Variants in ZNF648 observed in about 807,000 individuals in gnomAD.
ZNF648 encodes the protein zinc finger protein 648.
Under a neutral mutation model 0.3 loss-of-function variants are expected in ZNF648, and 1 was observed. The observed-to-expected ratio is 3.90, with a 90% CI of 1.39 to 18.51. ZNF648 has a LOEUF of 18.51. Ranked by LOEUF, ZNF648 falls within the 30% of genes most tolerant of loss-of-function variation. The pLI, the probability that ZNF648 is intolerant of heterozygous loss-of-function variation, is 0.11. For synonymous variants in ZNF648, 376 were observed against 326.8 expected (o/e 1.15, Z -1.62); for missense variants, 874 against 769.7 (o/e 1.14, Z -1.60).
At chr1:182,068,361 A>G in the ZNF648 span, 1 of 152,256 alleles carries the variant, frequency 6.6e-6, no homozygotes, top group Non-Finnish European at 1.5e-5. Context: ...TTCAGACTGC[A>G]GGACACAATC....
intron 1 of ZNF648, among the ~76,000 whole-genome samples, chr1:182,058,958 G>A (rs1665987196): frequency 6.6e-6 from 1 of 152,118 alleles, no homozygotes; most frequent in Non-Finnish European, 1.5e-5. Context: ...GAGTAGCTGG[G>A]ATTACAGGTG....
Position 182,056,139 on chromosome 1 carries a change from C to T in ZNF648, c.*165G>A, listed in dbSNP as rs2101918393. ...TGATGTGAAACCACCCACCTGGGTG[C>T]TCTCTCGGTGGTGACTTTCTGTTCA... On this transcript the variant is annotated 3_prime_UTR_variant, in exon 2 of 2. Transcript: ENST00000339948. The T allele has an allele frequency of 1.1e-6, 1 of 939,162 alleles. No individual in the cohort carries two copies. The allele number at this position is 939,162 out of a possible 1,614,324, so 58.2% of individuals were successfully genotyped here. A position where few individuals can be genotyped will look rare whatever the true frequency, so the allele number is the denominator to read the frequency against.
upstream of ZNF648, chr1:182,062,883 A>G (rs897205867): frequency 1.3e-5 from 2 of 151,956 alleles, no homozygotes; most frequent in Non-Finnish European, 2.9e-5. Flanking sequence ...ACTGGCCCCA[A>G]TATGTGTTGT....
chr1:182,056,011 T>C lies in ZNF648; in HGVS notation c.*293A>G. On this transcript the variant is annotated 3_prime_UTR_variant, in exon 2 of 2. Coordinates refer to ENST00000339948, the MANE Select transcript of ZNF648 (RefSeq NM_001009992.1). ...ATGTAATTCTAGAAGCAGTTTCTGA[T>C]TGATTCAGGTTCCCCAACCCAAGGA... The C allele has an allele frequency of 2.5e-6, 1 of 392,608 alleles. No individual in the cohort carries two copies. Among genetic ancestry groups the C allele is most frequent in the Non-Finnish European group, 4.6e-6 (1 of 218,142 alleles). 24.3% of individuals were successfully genotyped at this position (392,608 alleles called of 1,614,324 possible). A position where few individuals can be genotyped will look rare whatever the true frequency, so the allele number is the denominator to read the frequency against.
In ZNF648 at chr1:182,057,011, G is replaced by GAAC. The variant is rs761687413; in HGVS notation, c.999_1000insGTT (p.Lys333_Pro334insVal). 3.7e-6 allele frequency: 6 copies of GAAC among 1,613,590 alleles called. No individual in the cohort carries two copies. In the African/African-American group the frequency reaches 8.0e-5, roughly 22 times the overall value. On this transcript the variant is annotated inframe_insertion, in exon 2 of 2. Transcript: ENST00000339948. ...TTCCCGCAGTCTGGACACGGGTAGG[G>GAAC]TTTCTCGCCTGTGTGGGTGCGGATG...
chr1:182,056,238 C>G lies in ZNF648; in HGVS notation c.*66G>C. ...TGGGAGGCGAGGCTGACCAGTGAGG[C>G]TGGCAATACCATGTGAGTGGGCCCA... is the stretch of plus-strand genomic sequence containing the variant. On this transcript the variant is annotated 3_prime_UTR_variant, in exon 2 of 2. Coordinates refer to ENST00000339948, the MANE Select transcript of ZNF648 (RefSeq NM_001009992.1). 1 of 1,530,110 alleles carries G rather than the reference C, an allele frequency of 6.5e-7. No individual in the cohort carries two copies. The highest frequency in any genetic ancestry group is 8.8e-7 in the Non-Finnish European group (1 of 1,139,462). 94.8% of individuals were successfully genotyped at this position (1,530,110 alleles called of 1,614,324 possible). A position where few individuals can be genotyped will look rare whatever the true frequency, so the allele number is the denominator to read the frequency against.
chr1:182,069,084 G>T, the ZNF648 span: 1 of 151,980 alleles, frequency 6.6e-6, no homozygotes, highest in Admixed American at 6.6e-5. Flanking sequence ...TTGGGCAGGT[G>T]CTGTCTCTTT....
At chr1:182,058,540 G>T (rs1295984939) in intron 1 of ZNF648, among the ~76,000 whole-genome samples, 1 of 152,160 alleles carries the variant, frequency 6.6e-6, no homozygotes. Context: ...TCCCATGATG[G>T]TGTCAGCTAG....
rs1665901847 is a variant in ZNF648, at chr1:182,056,167, G to T, written c.*137C>A. 15 of 1,113,332 alleles carry T rather than the reference G, an allele frequency of 1.3e-5. No homozygotes were observed. The highest frequency in any genetic ancestry group is 1.8e-5 in the Non-Finnish European group (15 of 829,928). The allele number at this position is 1,113,332 out of a possible 1,614,324, so 69.0% of individuals were successfully genotyped here. A position where few individuals can be genotyped will look rare whatever the true frequency, so the allele number is the denominator to read the frequency against. On this transcript the variant is annotated 3_prime_UTR_variant, in exon 2 of 2. Transcript: ENST00000339948. Reference sequence around the variant, plus strand: ...TCTCGGTGGTGACTTTCTGTTCAAGGGATCAAATAAATAATCAAATGGACC... The same window carrying T: ...TCTCGGTGGTGACTTTCTGTTCAAGTGATCAAATAAATAATCAAATGGACC...
At chr1:182,068,689 G>A in the ZNF648 span, among the ~76,000 whole-genome samples, 1 of 152,144 alleles carries the variant, frequency 6.6e-6, no homozygotes. Context: ...TTGGGAGGCT[G>A]GGGCGGGAGG....
rs139123227 is a variant in ZNF648 at position 182,056,348 on chromosome 1, C to A, written c.1663G>T (p.Gly555Cys). Residue 555 changes from glycine to cysteine, a missense_variant, in exon 2 of 2, where the codon GGC (glycine) becomes TGC (cysteine). Physicochemically the swap from Gly to Cys is radical, Grantham distance 159. Transcript: ENST00000339948. The stretch of plus-strand genomic sequence containing the variant: ...GGGATGGGCTCCTTCTTGCAGGTGC[C>A]GTGCTTGGCTCGGTGTCGTTGGAGG... ...NHLQRHRAKHGTCKKEPIPSS... is the reference protein window; with the variant it reads ...NHLQRHRAKHCTCKKEPIPSS... 1.2e-6 allele frequency: 2 copies of A among 1,613,776 alleles called. No individual in the cohort carries two copies. The highest frequency in any genetic ancestry group is 1.3e-5 in the African/African-American group (1 of 74,894).
upstream of ZNF648, chr1:182,063,266 G>A (rs1366355823): frequency 6.6e-6 from 1 of 152,156 alleles, no homozygotes; most frequent in Non-Finnish European, 1.5e-5. Context: ...CTAAATCTTT[G>A]AGGAATCGCT....
upstream of ZNF648, among the ~76,000 whole-genome samples, chr1:182,066,492 T>G (rs1032632295): frequency 3.3e-5 from 5 of 152,250 alleles, no homozygotes; most frequent in Admixed American, 3.3e-4. Flanking sequence ...ATAGAGGCAG[T>G]TAAGTGGCCA....
In ZNF648 at chr1:182,057,750, A is replaced by G. The variant is rs754680236; in HGVS notation, c.261T>C (p.Ala87=). Residue 87 remains alanine (A), a synonymous_variant, in exon 2 of 2, where the codon GCT becomes GCC. Transcript: ENST00000339948. ...CCACTGGTTTCTGCCCCATGCCCCC[A>G]GCACTGGAGGAGTCAGAGAATTTCT... ...EEEKFSDSSS[A]GGMGQKPVEM... The G allele has an allele frequency of 3.7e-6, 6 of 1,614,064 alleles. No homozygotes were observed. The highest frequency in any genetic ancestry group is 2.7e-5 in the African/African-American group (2 of 74,916).
At chr1:182,062,016 A>G (rs1418772720), upstream of ZNF648, among the ~76,000 whole-genome samples, 1 of 152,170 alleles carries the variant, frequency 6.6e-6, no homozygotes, top group East Asian at 1.9e-4. Context: ...CCTGGGTAGC[A>G]TGCTTTTTCC....
chr1:182,060,185 G>A (rs908157692), intron 1 of ZNF648, among the ~76,000 whole-genome samples: 2 of 152,226 alleles, frequency 1.3e-5, no homozygotes, highest in African/African-American at 4.8e-5. Flanking sequence ...CAAAGAGAGA[G>A]GCCAGTGGCT....
the ZNF648 span, among the ~76,000 whole-genome samples, chr1:182,067,368 T>G: frequency 1.3e-5 from 2 of 152,216 alleles, no homozygotes; most frequent in Non-Finnish European, 2.9e-5. Context: ...AATAATAATA[T>G]TTAATATCTA....
In ZNF648 at chr1:182,057,432, G is replaced by C. The variant is rs540418152; in HGVS notation, c.579C>G (p.Pro193=). 5.0e-6 allele frequency: 8 copies of C among 1,614,148 alleles called. No homozygotes were observed. The South Asian group carries it at 7.7e-5, about 16-fold the overall frequency. ...SAGNSSLLCF[P]RPGSNWDLPT... is the part of the protein sequence containing the mutation. ...GAAGGTCCCAGTTGCTCCCCGGCCT[G>C]GGGAAACACAACAGAGAAGAGTTCC... Residue 193 remains proline, a synonymous_variant, in exon 2 of 2, where the codon CCC becomes CCG. Transcript: ENST00000339948.
At position 182,057,137 on chromosome 1, in the gene ZNF648, C is replaced by G. The variant is rs1216361753; in HGVS notation, c.874G>C (p.Gly292Arg). 3 of 1,605,030 alleles carry G rather than the reference C, an allele frequency of 1.9e-6. No homozygotes were observed. Among genetic ancestry groups the G allele is most frequent in the South Asian group, 2.2e-5 (2 of 90,976 alleles). Residue 292 changes from glycine to arginine, a missense_variant, in exon 2 of 2, where the codon GGC becomes CGC. Coordinates refer to ENST00000339948, the MANE Select transcript of ZNF648 (RefSeq NM_001009992.1). ...AGGCGCCTGTGCTGCTGGAGTGTGC[C>G]GCGGTGGGAGTAGGCCTTCCCGCAT... Reference protein sequence around the residue: ...ELCGKAYSHRGTLQQHRRLHT... With the variant: ...ELCGKAYSHRRTLQQHRRLHT...
Sources: allele counts gnomAD v4.1 joint callset (sites outside exome capture counted in the v4.1 genomes callset), GRCh38; gene constraint gnomAD v4.1.1; transcripts MANE v1.5; gene names NCBI Gene and HGNC (gene_info 2026-07-23, HGNC 2026-07-21).